The following ODAD2 variants were observed in gnomAD, a reference collection of about 807,000 sequenced individuals.
The protein encoded by ODAD2 is outer dynein arm-docking complex subunit 2.
In ODAD2, 89 loss-of-function variants were observed where a neutral mutation model predicts 106.8. That is an observed-to-expected ratio of 0.83 (90% CI 0.70 to 0.99). The LOEUF is 0.99. Ranked by LOEUF, ODAD2 falls within the 50% of genes least tolerant of loss-of-function variation. The probability of loss-of-function intolerance (pLI) is 0.00; values close to 1 mark genes in which losing one functional copy is unlikely to be tolerated. For missense variants in ODAD2, 1,168 were observed against 1,238.5 expected (o/e 0.94, Z 0.85); for synonymous variants, 404 against 436.2 (o/e 0.93, Z 0.92).
chr10:27,929,142 A>C (rs1845447189), intron 16 of ODAD2, among the ~76,000 whole-genome samples: 1 of 152,192 alleles, frequency 6.6e-6, no homozygotes, highest in Non-Finnish European at 1.5e-5. Flanking sequence ...CAAAGCATTA[A>C]CAAATGACCC....
intron 19 of ODAD2, among the ~76,000 whole-genome samples, chr10:27,849,456 C>G (rs1040676464): frequency 2.0e-5 from 3 of 151,816 alleles, no homozygotes; most frequent in Admixed American, 2.0e-4. Flanking sequence ...ATGTAAATGA[C>G]GAGTTAATGG....
chr10:27,886,662 A>G (rs2133653701), intron 17 of ODAD2, among the ~76,000 whole-genome samples: 1 of 152,192 alleles, frequency 6.6e-6, no homozygotes, highest in Admixed American at 6.5e-5. Flanking sequence ...TTTCTACAGG[A>G]TTTAAAAGAC....
chr10:27,998,644 G>A (rs1171980211), intron 1 of ODAD2, among the ~76,000 whole-genome samples: 1 of 151,960 alleles, frequency 6.6e-6, no homozygotes, highest in Admixed American at 6.5e-5. Context: ...GGGGCTGGGA[G>A]AGAGAAGGGA....
chr10:27,829,933 A>T (rs78853350), intron 19 of ODAD2, among the ~76,000 whole-genome samples: 2 of 16,556 alleles, frequency 1.2e-4, no homozygotes, highest in African/African-American at 4.2e-4. Flanking sequence ...GCAGTAATTA[A>T]AAAAAAAAAA....
chr10:27,990,363 A>G (rs1360312284), intron 2 of ODAD2, among the ~76,000 whole-genome samples: 3 of 152,108 alleles, frequency 2.0e-5, no homozygotes, highest in Non-Finnish European at 2.9e-5. Context: ...TTTTTTAGAG[A>G]CAGGGTCTTG....
At chr10:27,821,745 T>C (rs921482986) in intron 19 of ODAD2, among the ~76,000 whole-genome samples, 4 of 152,232 alleles carry the variant, frequency 2.6e-5, no homozygotes, top group Admixed American at 2.6e-4. Context: ...ATTATGAAAT[T>C]GGTATACACT....
chr10:27,886,419 A>T (rs1320167667), intron 17 of ODAD2, among the ~76,000 whole-genome samples: 3 of 152,074 alleles, frequency 2.0e-5, no homozygotes, highest in Non-Finnish European at 4.4e-5. Context: ...TATTGATCAA[A>T]ACTGTCTTTC....
chr10:27,985,970 T>C (rs1367262502), intron 3 of ODAD2, among the ~76,000 whole-genome samples: 5 of 151,804 alleles, frequency 3.3e-5, no homozygotes, highest in African/African-American at 1.2e-4. Flanking sequence ...ATGGAGAAAT[T>C]TGAGAAAGAT....
At chr10:27,836,992 C>T (rs1173117559) in intron 19 of ODAD2, among the ~76,000 whole-genome samples, 1 of 152,144 alleles carries the variant, frequency 6.6e-6, no homozygotes, top group African/African-American at 2.4e-5. Flanking sequence ...AAGTCAGGCT[C>T]TTGAGTTGCC....
rs991420751 is a variant in ODAD2, at chr10:27,860,984, G to C, written c.2800-138C>G. ...GGGCTAGCTGGCTGACTACCTAGGT[G>C]ATGTTTTGAAGGAACTAGTCTTTTT... On this transcript the variant is annotated intron_variant, in intron 18 of 19. Coordinates refer to ENST00000305242, the MANE Select transcript of ODAD2 (RefSeq NM_018076.5). 7 of 702,648 alleles carry C rather than the reference G, an allele frequency of 1.0e-5. No homozygotes were observed. In the African/African-American group the frequency reaches 1.1e-4, roughly 11 times the overall value. The allele number at this position is 702,648 out of a possible 1,614,324, so 43.5% of individuals were successfully genotyped here.
chr10:27,956,677 A>C (rs2132777608), intron 10 of ODAD2, among the ~76,000 whole-genome samples: 1 of 152,300 alleles, frequency 6.6e-6, no homozygotes, highest in Middle Eastern at 3.4e-3. Flanking sequence ...AGTCTTCTCA[A>C]TGTTTTACTG....
intron 16 of ODAD2, among the ~76,000 whole-genome samples, chr10:27,917,607 T>C (rs1185891747): frequency 6.6e-6 from 1 of 152,026 alleles, no homozygotes; most frequent in Non-Finnish European, 1.5e-5. Context: ...TGAATAAAAA[T>C]GGTAAACCAC....
At chr10:27,885,260 C>A in intron 17 of ODAD2, among the ~76,000 whole-genome samples, 1 of 150,214 alleles carries the variant, frequency 6.7e-6, no homozygotes, top group South Asian at 2.1e-4. Context: ...ACCTGTAATC[C>A]CAGCACTTTG....
At chr10:27,890,759 T>C (rs1842503186) in intron 17 of ODAD2, among the ~76,000 whole-genome samples, 1 of 108,870 alleles carries the variant, frequency 9.2e-6, no homozygotes, top group East Asian at 2.3e-4. Flanking sequence ...GAAAATCTGG[T>C]ATATATATAT....
intron 14 of ODAD2, 50 bp from the exon 15 acceptor site, chr10:27,936,930 T>C (rs1478389356): frequency 6.5e-7 from 1 of 1,539,690 alleles, no homozygotes. Flanking sequence ...AATATCAAGC[T>C]TTCAATGATG....
intron 19 of ODAD2, among the ~76,000 whole-genome samples, chr10:27,827,143 T>C (rs1837107915): frequency 6.6e-6 from 1 of 152,124 alleles, no homozygotes. Context: ...CTTTCCTGAT[T>C]GTTTGTTAGT....
chr10:27,830,060 T>C (rs1484744152), intron 19 of ODAD2, among the ~76,000 whole-genome samples: 1 of 152,202 alleles, frequency 6.6e-6, no homozygotes, highest in Non-Finnish European at 1.5e-5. Context: ...GAACAGAAAG[T>C]AGGGCACAGG....
intron 17 of ODAD2, among the ~76,000 whole-genome samples, chr10:27,881,760 C>G (rs1022572600): frequency 3.3e-5 from 5 of 152,100 alleles, no homozygotes; most frequent in Admixed American, 6.6e-5. Flanking sequence ...TTAGGAGCCT[C>G]AGAAATATAA....
intron 17 of ODAD2, among the ~76,000 whole-genome samples, chr10:27,895,036 G>T (rs199711346): frequency 3.2e-5 from 3 of 95,020 alleles, no homozygotes; most frequent in Non-Finnish European, 6.6e-5. Context: ...ACTAGTCATC[G>T]GTACGAAAAA....
Sources: allele counts gnomAD v4.1 joint callset (sites outside exome capture counted in the v4.1 genomes callset), GRCh38; gene constraint gnomAD v4.1.1; transcripts MANE v1.5; gene names NCBI Gene and HGNC (gene_info 2026-07-23, HGNC 2026-07-21).